Variants in RBFOX2 observed in about 807,000 individuals in gnomAD.
The protein encoded by RBFOX2 is RNA binding protein fox-1 homolog 2.
In RBFOX2, 10 loss-of-function variants were observed where a neutral mutation model predicts 49.1. The ratio of observed to expected loss-of-function variants is 0.20; its 90% CI spans 0.13 to 0.35. The LOEUF (loss-of-function observed/expected upper bound fraction) is 0.35. Among genes scored for constraint, RBFOX2 ranks in the 10% least tolerant of loss-of-function variants. The pLI, the probability that RBFOX2 is intolerant of heterozygous loss-of-function variation, is 1.00. For missense variants in RBFOX2, 323 were observed against 486.9 expected (o/e 0.66, Z 3.17); for synonymous variants, 183 against 187.4 (o/e 0.98, Z 0.19).
intron 6 of RBFOX2, among the ~76,000 whole-genome samples, chr22:35,762,831 T>C (rs1297658442): frequency 3.3e-5 from 5 of 152,170 alleles, no homozygotes; most frequent in Non-Finnish European, 5.9e-5. Context: ...AAAAGAATTA[T>C]TGAAATTACC....
chr22:35,864,797 G>A (rs751541723), intron 1 of RBFOX2, among the ~76,000 whole-genome samples: 1 of 152,160 alleles, frequency 6.6e-6, no homozygotes, highest in Non-Finnish European at 1.5e-5. Context: ...ATGACTTTTT[G>A]TTCCACTATT....
chr22:35,863,060 G>GT, intron 1 of RBFOX2, among the ~76,000 whole-genome samples: 1 of 152,210 alleles, frequency 6.6e-6, no homozygotes, highest in African/African-American at 2.4e-5. Context: ...AAAGAACTAG[G>GT]TAACTGTGTT....
At chr22:35,922,359 T>A (rs148372592) in intron 1 of RBFOX2, among the ~76,000 whole-genome samples, 3 of 151,590 alleles carry the variant, frequency 2.0e-5, no homozygotes, top group Non-Finnish European at 4.4e-5. Context: ...CGCGGGCAGA[T>A]CACGAGGTCA....
At chr22:35,918,275 T>A (rs568048264) in intron 1 of RBFOX2, among the ~76,000 whole-genome samples, 1 of 152,320 alleles carries the variant, frequency 6.6e-6, no homozygotes, top group South Asian at 2.1e-4. Context: ...TCCTGAGCCA[T>A]ACCACTCATT....
At chr22:35,930,136 CT>C (rs2052201581) in intron 1 of RBFOX2, among the ~76,000 whole-genome samples, 1 of 151,414 alleles carries the variant, frequency 6.6e-6, no homozygotes, top group Non-Finnish European at 1.5e-5. Flanking sequence ...ATTCTCGTGC[CT>C]CAGCTCCCAA....
At chr22:35,797,641 A>G (rs1949016827) in intron 2 of RBFOX2, among the ~76,000 whole-genome samples, 1 of 152,218 alleles carries the variant, frequency 6.6e-6, no homozygotes. Flanking sequence ...CTAAGGTGCT[A>G]GCAGTTTTAC....
chr22:35,792,178 G>A (rs1323270430), intron 2 of RBFOX2, among the ~76,000 whole-genome samples: 1 of 151,586 alleles, frequency 6.6e-6, no homozygotes, highest in African/African-American at 2.4e-5. Flanking sequence ...TTAGGTAGGC[G>A]TGGCAGTGGG....
chr22:35,826,432 T>C (rs1001599635), intron 1 of RBFOX2, among the ~76,000 whole-genome samples: 1 of 150,990 alleles, frequency 6.6e-6, no homozygotes, highest in African/African-American at 2.4e-5. Flanking sequence ...TAGTCCAAAA[T>C]ATAAATGCTA....
At chr22:35,752,989 A>C (rs1373783625) in intron 9 of RBFOX2, among the ~76,000 whole-genome samples, 1 of 152,238 alleles carries the variant, frequency 6.6e-6, no homozygotes, top group Non-Finnish European at 1.5e-5. Flanking sequence ...TAAAAGAAAC[A>C]GAAAGTAAAT....
At chr22:35,868,865 G>A (rs1460375774) in intron 1 of RBFOX2, among the ~76,000 whole-genome samples, 1 of 152,128 alleles carries the variant, frequency 6.6e-6, no homozygotes. Flanking sequence ...CCTTCTTTAA[G>A]GTATTGTTCC....
intron 1 of RBFOX2, among the ~76,000 whole-genome samples, chr22:35,956,968 G>A (rs2055636294): frequency 6.6e-6 from 1 of 152,164 alleles, no homozygotes; most frequent in Non-Finnish European, 1.5e-5. Context: ...AGTGTTTGGT[G>A]GTGAAGAACA....
chr22:35,838,779 C>A (rs1419097250), intron 1 of RBFOX2, among the ~76,000 whole-genome samples: 1 of 152,228 alleles, frequency 6.6e-6, no homozygotes, highest in African/African-American at 2.4e-5. Flanking sequence ...AAAAGCTTCT[C>A]CGCTTTTCCA....
chr22:35,889,510 C>T (rs1366746992), intron 1 of RBFOX2, among the ~76,000 whole-genome samples: 1 of 152,168 alleles, frequency 6.6e-6, no homozygotes, highest in African/African-American at 2.4e-5. Flanking sequence ...TTCCCTCCAG[C>T]CCATTCTATC....
At chr22:35,778,304 T>C (rs887581726) in intron 3 of RBFOX2, among the ~76,000 whole-genome samples, 3 of 152,228 alleles carry the variant, frequency 2.0e-5, no homozygotes, top group Non-Finnish European at 4.4e-5. Flanking sequence ...CCAAAGTTAT[T>C]CACAGTGTTA....
intron 1 of RBFOX2, among the ~76,000 whole-genome samples, chr22:35,853,317 G>GAA (rs1391704716): frequency 6.7e-6 from 1 of 149,106 alleles, no homozygotes; most frequent in African/African-American, 2.5e-5. Context: ...AAGAAAGAAA[G>GAA]AAAAATATTA....
chr22:35,998,134 T>C (rs1466356650), intron 1 of RBFOX2: 2 of 152,238 alleles, frequency 1.3e-5, no homozygotes, highest in Non-Finnish European at 2.9e-5. Context: ...GTACAGCAAA[T>C]CTAGAATTTT....
intron 1 of RBFOX2, chr22:35,999,224 T>A (rs1391037982): frequency 6.6e-6 from 1 of 151,350 alleles, no homozygotes; most frequent in Non-Finnish European, 1.5e-5. Flanking sequence ...CAAGAAAAAA[T>A]TAATAATAAT....
At chr22:35,967,353 G>C (rs1422864548) in intron 1 of RBFOX2, among the ~76,000 whole-genome samples, 3 of 151,070 alleles carry the variant, frequency 2.0e-5, no homozygotes, top group African/African-American at 7.3e-5. Context: ...ACTCTAGCCT[G>C]GGCAACAGAG....
chr22:35,903,903 A>G (rs2048849221), intron 1 of RBFOX2, among the ~76,000 whole-genome samples: 1 of 151,950 alleles, frequency 6.6e-6, no homozygotes, highest in Non-Finnish European at 1.5e-5. Context: ...AACAAACACC[A>G]GATCTTATCA....
Sources: allele counts gnomAD v4.1 joint callset (sites outside exome capture counted in the v4.1 genomes callset), GRCh38; gene constraint gnomAD v4.1.1; transcripts MANE v1.5; gene names NCBI Gene and HGNC (gene_info 2026-07-23, HGNC 2026-07-21).